Variants in URGCP observed in about 807,000 individuals in gnomAD.
URGCP encodes upregulator of cell proliferation, also known as up-regulator of cell proliferation.
In URGCP, 13 loss-of-function variants were observed where a neutral mutation model predicts 24.6. The ratio of observed to expected loss-of-function variants is 0.53; its 90% CI spans 0.34 to 0.84. URGCP has a LOEUF of 0.84. Ranked by LOEUF, URGCP falls within the 40% of genes least tolerant of loss-of-function variation. The pLI, the probability that URGCP is intolerant of heterozygous loss-of-function variation, is 0.01. For synonymous variants in URGCP, 444 were observed against 487.2 expected (o/e 0.91, Z 1.17); for missense variants, 899 against 1,194.3 (o/e 0.75, Z 3.64).
chr7:43,906,616 C>G (rs1269440585), upstream of URGCP: 1 of 1,183,258 alleles, frequency 8.5e-7, no homozygotes, highest in Non-Finnish European at 1.0e-6. Context: ...TTCGCTTCCT[C>G]CGCGCGGCCG....
chr7:43,914,945 G>A (rs1430694860), intron 1 of URGCP, among the ~76,000 whole-genome samples: 2 of 152,194 alleles, frequency 1.3e-5, no homozygotes, highest in Non-Finnish European at 2.9e-5. Context: ...AATGCAGTAA[G>A]GGAAATCAAT....
intron 1 of URGCP, among the ~76,000 whole-genome samples, chr7:43,904,253 A>G (rs2095897029): frequency 6.6e-6 from 1 of 152,150 alleles, no homozygotes; most frequent in African/African-American, 2.4e-5. Flanking sequence ...TTTCTCAAAC[A>G]CATCTTTTCC....
At chr7:43,917,854 C>T (rs1266531671) in intron 1 of URGCP, among the ~76,000 whole-genome samples, 4 of 152,046 alleles carry the variant, frequency 2.6e-5, no homozygotes, top group African/African-American at 9.7e-5. Context: ...GTCCCAGCTA[C>T]CCAGGAAGCT....
At chr7:43,892,422 A>ATT (rs879351164) in intron 1 of URGCP, among the ~76,000 whole-genome samples, 2 of 144,258 alleles carry the variant, frequency 1.4e-5, no homozygotes, top group African/African-American at 5.1e-5. Context: ...AACAGCCCCA[A>ATT]TTTTTTTTTT....
intron 1 of URGCP, among the ~76,000 whole-genome samples, chr7:43,922,967 C>T (rs2095924281): frequency 6.7e-6 from 1 of 148,578 alleles, no homozygotes; most frequent in Non-Finnish European, 1.5e-5. Context: ...TCTCTTTCTC[C>T]TCTCTCTCTC....
intron 1 of URGCP, among the ~76,000 whole-genome samples, chr7:43,925,531 GCT>G (rs1322115228): frequency 6.6e-6 from 1 of 151,746 alleles, no homozygotes; most frequent in Non-Finnish European, 1.5e-5. Context: ...ACAGAGTCTC[GCT>G]CTGTCACCCA....
intron 1 of URGCP, among the ~76,000 whole-genome samples, chr7:43,912,573 T>C (rs376589785): frequency 2.7e-5 from 4 of 148,240 alleles, no homozygotes; most frequent in Non-Finnish European, 5.9e-5. Flanking sequence ...AGATTCCATA[T>C]GAACTTTAGG....
rs60736722 is a variant in URGCP, at chr7:43,925,798, C to CTTTTTTTTTTTT, written c.-116+322_-116+333dup. 2.5e-3 allele frequency among the ~76,000 whole-genome samples: 293 copies of CTTTTTTTTTTTT among 116,524 alleles called. 12 individuals carry two copies. Among genetic ancestry groups the CTTTTTTTTTTTT allele is most frequent in the Non-Finnish European group, 3.8e-3 (221 of 58,600 alleles). 76.4% of individuals were successfully genotyped at this position (116,524 alleles called of 152,430 possible). On this transcript the variant is annotated intron_variant, in intron 1 of 5. Transcript: ENST00000426198. ...TATAGGCGTGAGCCACCTCGTCTGG[C>CTTTTTTTTTTTT]TTTTTTTTTTTTTTTTTCAAAAAAA... is the stretch of plus-strand genomic sequence containing the variant.
chr7:43,877,857 G>A lies in URGCP; in HGVS notation c.1606C>T (p.Arg536Ter). The change falls in exon 6 of 6, where the codon CGA (arginine) becomes TGA (stop). Residue 536 changes from arginine (R) to a stop codon, truncating the protein, a stop_gained. Coordinates refer to ENST00000453200, the MANE Select transcript of URGCP (RefSeq NM_001077663.3). LOFTEE classifies it low-confidence loss of function (END_TRUNC). ...GGATCATGGCCGTTCTGCTGCATTC[G>A]AAGTTCTAGCAGCCGCCGCCTCAGC... ...AELRRRLLEL[R>*]MQQNGHDPSS... 6.2e-7 allele frequency: 1 copy of A among 1,611,828 alleles called. No individual in the cohort carries two copies. Among genetic ancestry groups the A allele is most frequent in the Non-Finnish European group, 8.5e-7 (1 of 1,178,838 alleles).
At chr7:43,906,599 C>T, upstream of URGCP, 9 of 1,213,086 alleles carry the variant, frequency 7.4e-6, no homozygotes, top group East Asian at 3.8e-5. Flanking sequence ...TCTCCGCTCC[C>T]GCCTCCTTCG....
intron 1 of URGCP, among the ~76,000 whole-genome samples, chr7:43,901,168 G>C (rs2095889961): frequency 6.6e-6 from 1 of 152,208 alleles, no homozygotes; most frequent in Non-Finnish European, 1.5e-5. Flanking sequence ...CAGCACACTT[G>C]TTGGGGGTGG....
At chr7:43,900,018 G>A (rs1585820658) in intron 1 of URGCP, among the ~76,000 whole-genome samples, 1 of 152,020 alleles carries the variant, frequency 6.6e-6, no homozygotes, top group Non-Finnish European at 1.5e-5. Flanking sequence ...GGTGGCATGC[G>A]CCTGTAGTCC....
In URGCP at chr7:43,897,967, G is replaced by C. The variant is rs2095881769; in HGVS notation, c.14+8595C>G. Among the ~76,000 whole-genome samples the C allele has an allele frequency of 4.6e-5, 7 of 152,196 alleles. 1 individual carries two copies. In the South Asian group the frequency reaches 1.4e-3, roughly 31 times the overall value. The stretch of plus-strand genomic sequence containing the variant: ...GGTCTGTGGGTAAAGCAAGACTTGA[G>C]GGAATCGTGAGCAAATTGGCACTGA... On this transcript the variant is annotated intron_variant, in intron 1 of 5. Coordinates refer to ENST00000453200, the MANE Select transcript of URGCP (RefSeq NM_001077663.3).
At chr7:43,884,346 T>C (rs1458491017) in intron 3 of URGCP, among the ~76,000 whole-genome samples, 4 of 152,154 alleles carry the variant, frequency 2.6e-5, no homozygotes, top group African/African-American at 9.7e-5. Flanking sequence ...CTCAGCTCCA[T>C]GAGCCAACGT....
intron 5 of URGCP, among the ~76,000 whole-genome samples, chr7:43,880,650 G>A (rs1175230767): frequency 6.6e-6 from 1 of 152,164 alleles, no homozygotes; most frequent in Non-Finnish European, 1.5e-5. Flanking sequence ...TATTGCTCAG[G>A]CTGGTCTTGA....
chr7:43,888,522 T>C (rs558775788), intron 1 of URGCP: 27 of 146,840 alleles, frequency 1.8e-4, no homozygotes, highest in African/African-American at 6.8e-4. Context: ...AAAAAAAGAC[T>C]AAACTATTTT....
At chr7:43,883,211 C>A (rs1420887655) in intron 3 of URGCP, among the ~76,000 whole-genome samples, 3 of 151,114 alleles carry the variant, frequency 2.0e-5, no homozygotes, top group African/African-American at 7.3e-5. Context: ...TATAAAGGAG[C>A]GAACAGGAGG....
At chr7:43,889,981 T>C (rs1016080198) in intron 1 of URGCP, among the ~76,000 whole-genome samples, 1 of 151,970 alleles carries the variant, frequency 6.6e-6, no homozygotes, top group Admixed American at 6.6e-5. Flanking sequence ...CTTGGCTCAC[T>C]GCAACCTCCG....
chr7:43,880,101 T>G (rs192120083), intron 5 of URGCP, among the ~76,000 whole-genome samples: 1 of 152,126 alleles, frequency 6.6e-6, no homozygotes, highest in Non-Finnish European at 1.5e-5. Flanking sequence ...TCCTTGTATT[T>G]TTTTGTAGAG....
Sources: gnomAD v4.1 joint callset for allele counts (sites outside exome capture counted in the v4.1 genomes callset) on GRCh38, gnomAD v4.1.1 for gene constraint, MANE v1.5 for transcripts, NCBI Gene and HGNC (gene_info 2026-07-23, HGNC 2026-07-21) for gene names.